Variants in LRRFIP1 observed in about 807,000 individuals in gnomAD.
LRRFIP1 encodes LRR binding FLII interacting protein 1.
In LRRFIP1, 62 loss-of-function variants were observed where a neutral mutation model predicts 104.4. The observed-to-expected ratio is 0.59, with a 90% CI of 0.48 to 0.73. LRRFIP1 has a LOEUF of 0.73. Among genes scored for constraint, LRRFIP1 ranks in the 30% least tolerant of loss-of-function variants. The pLI is 0.00. For missense variants in LRRFIP1, 796 were observed against 824.5 expected (o/e 0.97, Z 0.42); for synonymous variants, 300 against 299.0 (o/e 1.00, Z -0.03).
In LRRFIP1 at chr2:237,703,093, G is replaced by A. The variant is rs143568305; in HGVS notation, c.97-5451G>A. ...CAGACCAGCCCCCATGAACCCTAGC[G>A]AGGGCCATGCCAAGAAGCCGCTGTT... On this transcript the variant is annotated intron_variant, in intron 1 of 23. Transcript: ENST00000308482. This position sits in a 1 kb window ranked among gnomAD's most constrained non-coding sequence, Gnocchi z 4.3. 1.2e-3 allele frequency among the ~76,000 whole-genome samples: 182 copies of A among 152,278 alleles called. No homozygotes were observed. Among genetic ancestry groups the A allele is most frequent in the African/African-American group, 4.2e-3 (176 of 41,552 alleles).
chr2:237,675,433 C>A (rs917326643), intron 1 of LRRFIP1, among the ~76,000 whole-genome samples: 2 of 152,172 alleles, frequency 1.3e-5, no homozygotes, highest in Non-Finnish European at 2.9e-5. Flanking sequence ...TCGTTACATG[C>A]GTTTAAAAAT....
intron 2 of LRRFIP1, among the ~76,000 whole-genome samples, chr2:237,712,798 C>T (rs745697310): frequency 6.6e-6 from 1 of 152,130 alleles, no homozygotes; most frequent in African/African-American, 2.4e-5. Context: ...ACACCTCCCT[C>T]ACGCTCTTCT....
intron 23 of LRRFIP1, among the ~76,000 whole-genome samples, chr2:237,777,573 C>T (rs962246572): frequency 9.2e-5 from 14 of 152,112 alleles, no homozygotes; most frequent in Non-Finnish European, 1.5e-4. Flanking sequence ...GTTGTTTTAA[C>T]GGTCGGTCCT....
intron 1 of LRRFIP1, among the ~76,000 whole-genome samples, chr2:237,707,997 T>C (rs1482702307): frequency 6.6e-6 from 1 of 152,242 alleles, no homozygotes; most frequent in Non-Finnish European, 1.5e-5. Context: ...GGGATTACAG[T>C]CCCAGCTCCA....
At chr2:237,758,062 C>A (rs559370553) in intron 17 of LRRFIP1, among the ~76,000 whole-genome samples, 38 of 152,174 alleles carry the variant, frequency 2.5e-4, no homozygotes, top group African/African-American at 9.1e-4. Flanking sequence ...GGAACAGAAC[C>A]CCACAAAGTA....
Position 237,640,832 on chromosome 2 carries a change from C to T in LRRFIP1, c.96+13092C>T, listed in dbSNP as rs528938174. ...ACTCCTGTTCCCAGCGAGAGAAGCC[C>T]GAGAACCTGCAGTCTCTATCCAAAG... On this transcript the variant is annotated intron_variant, in intron 1 of 23. Coordinates refer to ENST00000308482, the MANE Select transcript of LRRFIP1 (RefSeq NM_001137550.2). Among the ~76,000 whole-genome samples the T allele has an allele frequency of 3.9e-5, 6 of 152,260 alleles. No homozygotes were observed. The East Asian group carries it at 5.8e-4, about 15-fold the overall frequency.
chr2:237,756,635 C>G (rs1473625702), intron 16 of LRRFIP1, among the ~76,000 whole-genome samples: 1 of 152,182 alleles, frequency 6.6e-6, no homozygotes, highest in East Asian at 1.9e-4. Flanking sequence ...TTTCAGTTTT[C>G]TTAAATCTGA....
chr2:237,704,151 C>CTTTT (rs397946161), intron 1 of LRRFIP1, among the ~76,000 whole-genome samples: 5 of 124,002 alleles, frequency 4.0e-5, no homozygotes, highest in Middle Eastern at 4.3e-3. Context: ...TGCAGATGTT[C>CTTTT]TTTTTTTTTT....
chr2:237,739,270 C>A lies in LRRFIP1; in HGVS notation c.594C>A (p.Arg198=). The change falls in exon 11 of 24, where the codon CGC becomes CGA. Residue 198 remains arginine (R), a synonymous_variant. Transcript: ENST00000308482. The stretch of plus-strand genomic sequence containing the variant: ...GCGGCCACCTCAACTCCAGCTCCCG[C>A]GCCTCCTCCAGGGCCAGCTCGGCCC... ...EYSGHLNSSS[R]ASSRASSARA... 1 of 1,565,552 alleles carries A rather than the reference C, an allele frequency of 6.4e-7. No homozygotes were observed. Among genetic ancestry groups the A allele is most frequent in the Non-Finnish European group, 8.7e-7 (1 of 1,155,408 alleles).
intron 1 of LRRFIP1, chr2:237,684,510 A>G (rs1048527343): frequency 6.6e-6 from 1 of 152,216 alleles, no homozygotes; most frequent in African/African-American, 2.4e-5. Flanking sequence ...TCCTAAGTAT[A>G]TATTGAAGCA....
chr2:237,775,515 G>T (rs2061008193), intron 23 of LRRFIP1, among the ~76,000 whole-genome samples: 1 of 152,280 alleles, frequency 6.6e-6, no homozygotes, highest in Non-Finnish European at 1.5e-5. Context: ...CAAAGGAGTG[G>T]CTTATGTTGA....
At chr2:237,778,116 T>A (rs773615059) in intron 23 of LRRFIP1, among the ~76,000 whole-genome samples, 3 of 152,210 alleles carry the variant, frequency 2.0e-5, no homozygotes, top group Non-Finnish European at 2.9e-5. Context: ...CATTTATTGC[T>A]TCTGTTGACT....
In LRRFIP1 at chr2:237,753,302, T is replaced by G. The variant is rs769779071; in HGVS notation, c.868-7T>G. On this transcript the variant is annotated splice_region_variant and splice_polypyrimidine_tract_variant and intron_variant, in intron 14 of 23. Coordinates refer to ENST00000308482, the MANE Select transcript of LRRFIP1 (RefSeq NM_001137550.2). Reference sequence around the variant, plus strand: ...GCAATTTCAAAAATATGACCTGCTTTCCACAGGACTCTCTAGCAGAAGTTG... The same window carrying G: ...GCAATTTCAAAAATATGACCTGCTTGCCACAGGACTCTCTAGCAGAAGTTG... 3 of 1,560,552 alleles carry G rather than the reference T, an allele frequency of 1.9e-6. No homozygotes were observed. In the South Asian group the frequency reaches 3.7e-5, roughly 19 times the overall value.
At chr2:237,697,339 T>A (rs2093259010) in intron 1 of LRRFIP1, among the ~76,000 whole-genome samples, 1 of 152,232 alleles carries the variant, frequency 6.6e-6, no homozygotes, top group Admixed American at 6.5e-5. Flanking sequence ...GCTTTACTTT[T>A]CTACATAAGG....
intron 11 of LRRFIP1, among the ~76,000 whole-genome samples, chr2:237,741,844 G>A (rs994989292): frequency 6.6e-6 from 1 of 151,296 alleles, no homozygotes; most frequent in Non-Finnish European, 1.5e-5. Flanking sequence ...AAAGAAAAAA[G>A]AAAAAAAAGA....
chr2:237,673,578 G>C (rs2149566281), intron 1 of LRRFIP1, among the ~76,000 whole-genome samples: 1 of 152,366 alleles, frequency 6.6e-6, no homozygotes, highest in African/African-American at 2.4e-5. Flanking sequence ...TCCCCAGAAA[G>C]TGCGGCTGCC....
At chr2:237,690,444 G>T (rs1215664472) in intron 1 of LRRFIP1, among the ~76,000 whole-genome samples, 1 of 152,148 alleles carries the variant, frequency 6.6e-6, no homozygotes, top group East Asian at 1.9e-4. Flanking sequence ...AAACAATCAA[G>T]AATTGTGATA....
In LRRFIP1 at chr2:237,754,652, C is replaced by A. The variant is rs116501702; in HGVS notation, c.1038+1173C>A. On this transcript the variant is annotated intron_variant, in intron 15 of 23. Coordinates refer to ENST00000308482, the MANE Select transcript of LRRFIP1 (RefSeq NM_001137550.2). Reference sequence around the variant, plus strand: ...GTACCCTTGACAACCTTCAGGCCTGCTTCTTCGACTGCTATAGAATTGAGT... The same window carrying A: ...GTACCCTTGACAACCTTCAGGCCTGATTCTTCGACTGCTATAGAATTGAGT... Among the ~76,000 whole-genome samples the A allele has an allele frequency of 6.4e-3, 974 of 152,324 alleles. 17 individuals are homozygous for A. The highest frequency in any genetic ancestry group is 0.022 in the African/African-American group (926 of 41,576).
Position 237,735,415 on chromosome 2 carries a change from G to T in LRRFIP1, c.555+82G>T, listed in dbSNP as rs531812217. On this transcript the variant is annotated intron_variant, in intron 10 of 23. Transcript: ENST00000308482. The surrounding 1 kb of genome is among the most constrained non-coding windows in gnomAD (Gnocchi z 4.6). ...TGCTCGCTGGGCAGGGTCCAGCCGT[G>T]GGGGGTGACTGGCCATTCTCAGGAG... 2.8e-5 allele frequency: 37 copies of T among 1,328,470 alleles called. No homozygotes were observed. Among genetic ancestry groups the T allele is most frequent in the Middle Eastern group, 4.1e-4 (2 of 4,894 alleles). 82.3% of individuals were successfully genotyped at this position (1,328,470 alleles called of 1,614,324 possible). A position where few individuals can be genotyped will look rare whatever the true frequency, so the allele number is the denominator to read the frequency against.
Sources: allele counts gnomAD v4.1 joint callset (sites outside exome capture counted in the v4.1 genomes callset), GRCh38; gene constraint gnomAD v4.1.1; non-coding constraint Gnocchi (gnomAD v3.1); transcripts MANE v1.5; gene names NCBI Gene and HGNC (gene_info 2026-07-23, HGNC 2026-07-21).